Variants in ZNF496 observed in about 807,000 individuals in gnomAD.
ZNF496 encodes NSD1 (nuclear receptor binding SET-domain containing 1)-interacting zinc finger protein 1.
In ZNF496, 11 loss-of-function variants were observed where a neutral mutation model predicts 58.9. The observed-to-expected ratio is 0.19, with a 90% CI of 0.12 to 0.31. The LOEUF is 0.31. Ranked by LOEUF, ZNF496 falls within the 10% of genes least tolerant of loss-of-function variation. The pLI is 1.00. For synonymous variants in ZNF496, 338 were observed against 318.2 expected (o/e 1.06, Z -0.66); for missense variants, 660 against 783.0 (o/e 0.84, Z 1.88).
rs919309530 is a variant in ZNF496 at position 247,303,997 on chromosome 1, G to A, written c.1007-2721C>T. 1.3e-5 allele frequency: 5 copies of A among 382,054 alleles called. No homozygotes were observed. In the East Asian group the frequency reaches 2.7e-4, roughly 21 times the overall value. The allele number at this position is 382,054 out of a possible 1,614,324, so 23.7% of individuals were successfully genotyped here. On this transcript the variant is annotated intron_variant, in intron 9 of 9. Coordinates refer to ENST00000682384, the MANE Select transcript of ZNF496 (RefSeq NM_032752.3). The stretch of plus-strand genomic sequence containing the variant: ...TCGTCTGACGGCCTGCAACCCTGTG[G>A]ACTGCATGGAGGGCAGGGTTTCTGA...
intron 9 of ZNF496, among the ~76,000 whole-genome samples, chr1:247,305,260 G>A (rs1659373967): frequency 6.6e-6 from 1 of 152,186 alleles, no homozygotes. Context: ...GGGTGACAGA[G>A]CTAGACTCCG....
rs778695929 is a variant in ZNF496 at position 247,309,651 on chromosome 1, C to T, written c.892+48G>A. ...GAGTGGGCTCACCTCCGGCTGCCAGCAACCCTTCCCCCTACTCTGTCCACT... is the reference window on the plus strand; with the variant it reads ...GAGTGGGCTCACCTCCGGCTGCCAGTAACCCTTCCCCCTACTCTGTCCACT... On this transcript the variant is annotated intron_variant, in intron 8 of 9. Coordinates refer to ENST00000682384, the MANE Select transcript of ZNF496 (RefSeq NM_032752.3). The surrounding 1 kb of genome is among the most constrained non-coding windows in gnomAD (Gnocchi z 4.3). The T allele has an allele frequency of 1.2e-6, 2 of 1,606,874 alleles. No individual in the cohort carries two copies. The highest frequency in any genetic ancestry group is 2.2e-5 in the South Asian group (2 of 90,066).
chr1:247,310,018 G>C, intron 7 of ZNF496: 1 of 1,406,664 alleles, frequency 7.1e-7, no homozygotes, highest in Non-Finnish European at 9.3e-7. Context: ...TGAGGCTTTC[G>C]GGTGTAAAGC....
At chr1:247,317,578 C>G (rs7552292) in intron 6 of ZNF496, among the ~76,000 whole-genome samples, 84,386 of 151,654 alleles carry the variant, frequency 0.56, 24,068 homozygotes, top group Middle Eastern at 0.8. Context: ...AAGCCCCCCC[C>G]CCGCCACCAG....
At chr1:247,322,834 CTTT>C (rs1301759527) in intron 6 of ZNF496, 2 of 1,294,988 alleles carry the variant, frequency 1.5e-6, no homozygotes, top group Non-Finnish European at 2.0e-6. Context: ...GAGAGATCTC[CTTT>C]TTCACAAGAG....
Position 247,308,646 on chromosome 1 carries a change from G to A in ZNF496, c.893-58C>T, listed in dbSNP as rs901100314. On this transcript the variant is annotated intron_variant, in intron 8 of 9. Transcript: ENST00000682384. This position sits in a 1 kb window ranked among gnomAD's most constrained non-coding sequence, Gnocchi z 4.5. ...GTTTTGCACCTACAGCACTACCTGG[G>A]AGGGTGCTATCCGAATAGATGCCAG... 3.3e-5 allele frequency: 50 copies of A among 1,510,740 alleles called. No homozygotes were observed. Among genetic ancestry groups the A allele is most frequent in the African/African-American group, 5.5e-5 (4 of 72,790 alleles). The allele number at this position is 1,510,740 out of a possible 1,614,324, so 93.6% of individuals were successfully genotyped here.
chr1:247,329,073 C>A lies in ZNF496; in HGVS notation c.390+116G>T. 6.5e-7 allele frequency: 1 copy of A among 1,542,406 alleles called. No homozygotes were observed. The highest frequency in any genetic ancestry group is 1.1e-5 in the South Asian group (1 of 87,322). On this transcript the variant is annotated intron_variant, in intron 4 of 9. Coordinates refer to ENST00000682384, the MANE Select transcript of ZNF496 (RefSeq NM_032752.3). The surrounding 1 kb of genome is among the most constrained non-coding windows in gnomAD (Gnocchi z 5.5). ...TTAGGAAACTCTAGTCTGGACCTAA[C>A]CAAAGTAAATGGCTCTCGATGGAAC... is the stretch of plus-strand genomic sequence containing the variant.
intron 6 of ZNF496, among the ~76,000 whole-genome samples, chr1:247,316,861 T>C (rs1227824047): frequency 1.3e-5 from 2 of 152,052 alleles, no homozygotes; most frequent in African/African-American, 4.8e-5. Flanking sequence ...GGGAGGAGCA[T>C]AAAAACAGGA....
Position 247,300,270 on chromosome 1 carries a change from C to A in ZNF496, c.*249G>T, listed in dbSNP as rs1659196547. 2.4e-6 allele frequency: 1 copy of A among 412,614 alleles called. No homozygotes were observed. The highest frequency in any genetic ancestry group is 7.0e-5 in the South Asian group (1 of 14,260). The allele number at this position is 412,614 out of a possible 1,614,324, so 25.6% of individuals were successfully genotyped here. A position where few individuals can be genotyped will look rare whatever the true frequency, so the allele number is the denominator to read the frequency against. ...ACGCAGAACACCTGGCATGTCCAAC[C>A]TGGTGATGGCACATCCCCCCCGTTT... On this transcript the variant is annotated 3_prime_UTR_variant, in exon 10 of 10. Coordinates refer to ENST00000682384, the MANE Select transcript of ZNF496 (RefSeq NM_032752.3). The surrounding 1 kb of genome is among the most constrained non-coding windows in gnomAD (Gnocchi z 5.7).
Position 247,322,518 on chromosome 1 carries a change from G to A in ZNF496, c.651+636C>T, listed in dbSNP as rs1659993429. 1.3e-5 allele frequency among the ~76,000 whole-genome samples: 2 copies of A among 152,192 alleles called. 1 individual carries two copies. The highest frequency in any genetic ancestry group is 4.1e-4 in the South Asian group (2 of 4,832). On this transcript the variant is annotated intron_variant, in intron 6 of 9. Transcript: ENST00000682384. ...CCAGTGGAAAGTGTTAGGAGGGAAA[G>A]TGAAGGAGATATGGCCAGAAAACAT...
rs945133123 is a variant in ZNF496, at chr1:247,308,169, G to A, written c.1006+306C>T. On this transcript the variant is annotated intron_variant, in intron 9 of 9. Transcript: ENST00000682384. The surrounding 1 kb of genome is among the most constrained non-coding windows in gnomAD (Gnocchi z 4.5). ...AGCTGGAGAATGACCCCAGCACAAC[G>A]GAATCAGGGCAAGCAGCTAAGAACA... is the stretch of plus-strand genomic sequence containing the variant. 6 of 317,768 alleles carry A rather than the reference G, an allele frequency of 1.9e-5. No individual in the cohort carries two copies. The highest frequency in any genetic ancestry group is 1.2e-4 in the South Asian group (1 of 8,012). 19.7% of individuals were successfully genotyped at this position (317,768 alleles called of 1,614,324 possible).
At position 247,309,805 on chromosome 1, in the gene ZNF496, G is replaced by T; in HGVS notation, c.786C>A (p.Asn262Lys). The T allele has an allele frequency of 1.2e-6, 2 of 1,614,074 alleles. No homozygotes were observed. The highest frequency in any genetic ancestry group is 2.2e-5 in the South Asian group (2 of 91,074). The change falls in exon 8 of 10, where the codon AAC becomes AAA. Residue 262 changes from asparagine (N) to lysine (K), a missense_variant and splice_region_variant. Physicochemically the swap from Asn to Lys is moderately conservative, Grantham distance 94. Coordinates refer to ENST00000682384, the MANE Select transcript of ZNF496 (RefSeq NM_032752.3). This position sits in a 1 kb window ranked among gnomAD's most constrained non-coding sequence, Gnocchi z 4.3. ...GEDYGVSMPP[N>K]DLAAQPDLSQ... is the part of the protein sequence containing the mutation. ...AGAGATCTGGCTGGGCAGCTAGGTCGTCTGTTCAAAGAAAAAGGCAGGGTA... is the reference window on the plus strand; with the variant it reads ...AGAGATCTGGCTGGGCAGCTAGGTCTTCTGTTCAAAGAAAAAGGCAGGGTA...
chr1:247,323,563 C>T (rs537744044), intron 5 of ZNF496, among the ~76,000 whole-genome samples: 14 of 152,142 alleles, frequency 9.2e-5, no homozygotes, highest in African/African-American at 2.7e-4. Context: ...TCTTTCACCT[C>T]GGGTAGGTCC....
At chr1:247,322,929 G>A in intron 6 of ZNF496, 1 of 775,646 alleles carries the variant, frequency 1.3e-6, no homozygotes. Flanking sequence ...AAAGCTTCCT[G>A]AAGGTGGCCT....
At position 247,308,030 on chromosome 1, in the gene ZNF496, G is replaced by A. The variant is rs1261273399; in HGVS notation, c.1006+445C>T. 2 of 985,320 alleles carry A rather than the reference G, an allele frequency of 2.0e-6. No individual in the cohort carries two copies. The highest frequency in any genetic ancestry group is 3.5e-5 in the African/African-American group (2 of 57,358). The allele number at this position is 985,320 out of a possible 1,614,324, so 61.0% of individuals were successfully genotyped here. A position where few individuals can be genotyped will look rare whatever the true frequency, so the allele number is the denominator to read the frequency against. Reference sequence around the variant, plus strand: ...TGCCAGGATGCTGGCCATCCATGCTGAGAGAAGAAAAACACTCACTGCATC... The same window carrying A: ...TGCCAGGATGCTGGCCATCCATGCTAAGAGAAGAAAAACACTCACTGCATC... On this transcript the variant is annotated intron_variant, in intron 9 of 9. Coordinates refer to ENST00000682384, the MANE Select transcript of ZNF496 (RefSeq NM_032752.3). This position sits in a 1 kb window ranked among gnomAD's most constrained non-coding sequence, Gnocchi z 4.5.
At chr1:247,323,476 CTT>C (rs1376946250) in intron 5 of ZNF496, among the ~76,000 whole-genome samples, 1 of 152,202 alleles carries the variant, frequency 6.6e-6, no homozygotes, top group African/African-American at 2.4e-5. Flanking sequence ...ATTGCTGCGA[CTT>C]TGTTTCCAGA....
intron 6 of ZNF496, among the ~76,000 whole-genome samples, chr1:247,319,645 G>A (rs1020398171): frequency 2.0e-5 from 3 of 152,164 alleles, no homozygotes; most frequent in South Asian, 2.1e-4. Flanking sequence ...TATCTAGGCC[G>A]GGTGCAGTGG....
In ZNF496 at chr1:247,326,049, T is replaced by TACAC. The variant is rs141893407; in HGVS notation, c.574+2630_574+2633dup. On this transcript the variant is annotated intron_variant, in intron 5 of 9. Coordinates refer to ENST00000682384, the MANE Select transcript of ZNF496 (RefSeq NM_032752.3). ...ATATATACACACGCATATATATATATACACACACACACACATATATACACA... is the reference window on the plus strand; with the variant it reads ...ATATATACACACGCATATATATATATACACACACACACACACACATATATACACA... Among the ~76,000 whole-genome samples the TACAC allele has an allele frequency of 2.0e-3, 189 of 95,336 alleles. 3 individuals are homozygous for TACAC. Among genetic ancestry groups the TACAC allele is most frequent in the Admixed American group, 6.6e-3 (55 of 8,332 alleles). The allele number at this position is 95,336 out of a possible 152,430, so 62.5% of individuals were successfully genotyped here.
At position 247,329,417 on chromosome 1, in the gene ZNF496, C is replaced by T. The variant is rs762460853; in HGVS notation, c.162G>A (p.Ala54=). The T allele has an allele frequency of 1.1e-5, 18 of 1,612,974 alleles. No homozygotes were observed. Among genetic ancestry groups the T allele is most frequent in the Middle Eastern group, 1.7e-4 (1 of 5,994 alleles). The stretch of plus-strand genomic sequence containing the variant: ...GGCGCTGCAGGGCCTCCCGGGGGCC[C>T]GCCGCCTCCTGGTAGCGGAAACGGC... ...LFRRFRYQEA[A]GPREALQRLW... Residue 54 remains alanine (A), a synonymous_variant, in exon 4 of 10, where the codon GCG becomes GCA. Coordinates refer to ENST00000682384, the MANE Select transcript of ZNF496 (RefSeq NM_032752.3). This position sits in a 1 kb window ranked among gnomAD's most constrained non-coding sequence, Gnocchi z 5.5.
Sources: allele counts gnomAD v4.1 joint callset (sites outside exome capture counted in the v4.1 genomes callset), GRCh38; gene constraint gnomAD v4.1.1; non-coding constraint Gnocchi (gnomAD v3.1); transcripts MANE v1.5; gene names NCBI Gene and HGNC (gene_info 2026-07-23, HGNC 2026-07-21).